The following PTPN5 variants were observed in gnomAD, a reference collection of about 807,000 sequenced individuals.
PTPN5 encodes the protein protein tyrosine phosphatase non-receptor type 5.
In PTPN5, 29 loss-of-function variants were observed where a neutral mutation model predicts 73.9. That is an observed-to-expected ratio of 0.39 (90% CI 0.29 to 0.54). The LOEUF (loss-of-function observed/expected upper bound fraction) is 0.54. Among genes scored for constraint, PTPN5 ranks in the 20% least tolerant of loss-of-function variants. PTPN5 has a pLI of 0.65. For missense variants in PTPN5, 652 were observed against 751.4 expected, an observed-to-expected ratio of 0.87 and a Z score of 1.55; for synonymous variants, 267 against 304.7, an observed-to-expected ratio of 0.88 and a Z score of 1.29.
rs201790348 is a variant in PTPN5, at chr11:18,766,123, TCATCATCATCAC to T, written c.21-252_21-241del. ...GGCAGCAGTATCATCACAACCATCA[TCATCATCATCAC>T]CATCATCATCACCTCTACAGTAGGA... On this transcript the variant is annotated intron_variant, in intron 2 of 14. Transcript: ENST00000358540. Among the ~76,000 whole-genome samples the T allele has an allele frequency of 2.3e-3, 357 of 152,264 alleles. 5 individuals carry two copies. The East Asian group carries it at 0.033, about 14-fold the overall frequency.
chr11:18,736,222 G>A (rs1159780517), intron 9 of PTPN5, among the ~76,000 whole-genome samples: 4 of 152,192 alleles, frequency 2.6e-5, no homozygotes, highest in East Asian at 1.9e-4. Context: ...AGGACAGCTT[G>A]AGGCCAGAAG....
In PTPN5 at chr11:18,742,234, G is replaced by A; in HGVS notation, c.725+28C>T. On this transcript the variant is annotated intron_variant, in intron 7 of 14. Coordinates refer to ENST00000358540, the MANE Select transcript of PTPN5 (RefSeq NM_006906.2). This position sits in a 1 kb window ranked among gnomAD's most constrained non-coding sequence, Gnocchi z 4.1. ...GGAGCTAAGAGCTCAAGGGCCCGTG[G>A]AGCCCACCCCTCCTCCACCCCTCCC... 1 of 1,612,678 alleles carries A rather than the reference G, an allele frequency of 6.2e-7. No individual in the cohort carries two copies.
intron 1 of PTPN5, among the ~76,000 whole-genome samples, chr11:18,774,371 C>G (rs944310769): frequency 6.6e-6 from 1 of 152,346 alleles, no homozygotes; most frequent in African/African-American, 2.4e-5. Context: ...TTGTCTGGGG[C>G]AGCCTTTGGA....
At chr11:18,770,742 T>C (rs1850848192) in intron 2 of PTPN5, among the ~76,000 whole-genome samples, 1 of 152,202 alleles carries the variant, frequency 6.6e-6, no homozygotes, top group Non-Finnish European at 1.5e-5. Context: ...GTCATCACCT[T>C]CCTCTGCTCG....
At chr11:18,743,572 G>A in intron 4 of PTPN5, 143 bp from the exon 5 acceptor site, 2 of 721,924 alleles carry the variant, frequency 2.8e-6, no homozygotes, top group Non-Finnish European at 4.7e-6. Context: ...TGAGAGCAGG[G>A]CCCCGGTGCT....
At chr11:18,764,000 G>T (rs570920837) in intron 3 of PTPN5, among the ~76,000 whole-genome samples, 3 of 152,182 alleles carry the variant, frequency 2.0e-5, no homozygotes, top group Non-Finnish European at 4.4e-5. Flanking sequence ...ATTTCTTCTA[G>T]TCAGTGGTGC....
At chr11:18,786,148 A>G (rs1204322782) in intron 1 of PTPN5, among the ~76,000 whole-genome samples, 1 of 152,154 alleles carries the variant, frequency 6.6e-6, no homozygotes, top group Non-Finnish European at 1.5e-5. Context: ...CTCGTTCCAC[A>G]TCTCACCAGA....
At chr11:18,752,220 G>A (rs952029668) in intron 3 of PTPN5, among the ~76,000 whole-genome samples, 5 of 152,260 alleles carry the variant, frequency 3.3e-5, no homozygotes, top group South Asian at 4.1e-4. Flanking sequence ...TGACAAGCGC[G>A]AAACTCCGTC....
intron 3 of PTPN5, among the ~76,000 whole-genome samples, chr11:18,760,266 T>C (rs1454902842): frequency 2.0e-5 from 3 of 152,168 alleles, no homozygotes; most frequent in Non-Finnish European, 2.9e-5. Context: ...TGTGGCATGG[T>C]AGGAAGGCTA....
intron 7 of PTPN5, 51 bp from the exon 8 acceptor site, chr11:18,740,843 A>G (rs751676936): frequency 3.9e-5 from 51 of 1,305,904 alleles, no homozygotes; most frequent in Middle Eastern, 2.5e-4. Context: ...AGGGACGGGC[A>G]TGAGCTGGGG....
intron 3 of PTPN5, 38 bp from the exon 4 acceptor site, chr11:18,744,237 C>A: frequency 6.9e-7 from 1 of 1,455,564 alleles, no homozygotes; most frequent in East Asian, 2.7e-5. Flanking sequence ...TGACTCCGGC[C>A]CTGTCCACAG....
intron 3 of PTPN5, among the ~76,000 whole-genome samples, chr11:18,764,078 T>C (rs1425596498): frequency 1.3e-5 from 2 of 152,228 alleles, no homozygotes; most frequent in Admixed American, 6.5e-5. Flanking sequence ...TGTTTAATAG[T>C]TGAAGGGGAC....
chr11:18,775,497 G>A (rs571456664), intron 1 of PTPN5, among the ~76,000 whole-genome samples: 1 of 152,334 alleles, frequency 6.6e-6, no homozygotes, highest in East Asian at 1.9e-4. Flanking sequence ...TGGAAGTCCT[G>A]CGCGGGACCA....
chr11:18,765,327 C>T (rs1276035335), intron 3 of PTPN5, among the ~76,000 whole-genome samples: 1 of 152,072 alleles, frequency 6.6e-6, no homozygotes, highest in Admixed American at 6.6e-5. Context: ...AATGGCTTGG[C>T]TCCCTGCAAC....
intron 1 of PTPN5, among the ~76,000 whole-genome samples, chr11:18,785,285 A>G (rs1851618980): frequency 6.6e-6 from 1 of 152,200 alleles, no homozygotes; most frequent in Admixed American, 6.5e-5. Context: ...TGAGATGGAA[A>G]AGCTATGTGC....
At chr11:18,766,191 T>A (rs1054415152) in intron 2 of PTPN5, among the ~76,000 whole-genome samples, 2 of 152,174 alleles carry the variant, frequency 1.3e-5, no homozygotes, top group African/African-American at 4.8e-5. Flanking sequence ...CTTTGCAAAC[T>A]TTATCACATT....
At chr11:18,732,069 TTG>T (rs924253892) in intron 12 of PTPN5, among the ~76,000 whole-genome samples, 5 of 152,220 alleles carry the variant, frequency 3.3e-5, no homozygotes, top group Admixed American at 6.5e-5. Context: ...TGCTCATATT[TTG>T]TGTGTCTTCC....
At chr11:18,746,162 A>AAT (rs773490900) in intron 3 of PTPN5, among the ~76,000 whole-genome samples, 8,359 of 67,538 alleles carry the variant, frequency 0.12, 545 homozygotes, top group East Asian at 0.18. Flanking sequence ...TATAAATATA[A>AAT]ATATATATAT....
chr11:18,781,143 C>T (rs528397073), intron 1 of PTPN5, among the ~76,000 whole-genome samples: 77 of 150,772 alleles, frequency 5.1e-4, no homozygotes, highest in African/African-American at 1.9e-3. Context: ...CTTTGCCGCA[C>T]CCCCCCGGCC....
Sources: gnomAD v4.1 joint callset for allele counts (sites outside exome capture counted in the v4.1 genomes callset) on GRCh38, gnomAD v4.1.1 for gene constraint, Gnocchi (gnomAD v3.1) non-coding constraint, MANE v1.5 for transcripts, NCBI Gene and HGNC (gene_info 2026-07-23, HGNC 2026-07-21) for gene names.